The following DENND2B variants were observed in gnomAD, a reference collection of about 807,000 sequenced individuals.
DENND2B encodes DENN domain containing 2B, also known as DENN domain-containing protein 2B.
Under a neutral mutation model 116.0 loss-of-function variants are expected in DENND2B, and 32 were observed. That is an observed-to-expected ratio of 0.28 (90% CI 0.21 to 0.37). The LOEUF (loss-of-function observed/expected upper bound fraction) is 0.37. Ranked by LOEUF, DENND2B falls within the 10% of genes least tolerant of loss-of-function variation. The probability of loss-of-function intolerance (pLI) is 1.00; values close to 1 mark genes in which losing one functional copy is unlikely to be tolerated. For missense variants in DENND2B, 1,276 were observed against 1,477.7 expected (o/e 0.86, Z 2.24); for synonymous variants, 588 against 583.9 (o/e 1.01, Z -0.10).
chr11:8,707,178 G>A lies in DENND2B; in HGVS notation c.2478C>T (p.Val826=), dbSNP rs1245973336. 22 of 1,613,780 alleles carry A rather than the reference G, an allele frequency of 1.4e-5. No homozygotes were observed. Among genetic ancestry groups the A allele is most frequent in the Middle Eastern group, 3.3e-4 (2 of 6,084 alleles). Reference sequence around the variant, plus strand: ...CCATGAGACTTCTCATGAAAGGATAGACCAATGCAGCGGAGATCCCACGCC... The same window carrying A: ...CCATGAGACTTCTCATGAAAGGATAAACCAATGCAGCGGAGATCCCACGCC... ...ERRRGISAAL[V]YPFMRSLMES... is the part of the protein sequence containing the mutation. The change falls in exon 13 of 20, where the codon GTC becomes GTT. Residue 826 remains valine, a synonymous_variant. Coordinates refer to ENST00000313726, the MANE Select transcript of DENND2B (RefSeq NM_213618.2). The surrounding 1 kb of genome is among the most constrained non-coding windows in gnomAD (Gnocchi z 4.8).
chr11:8,699,020 G>C, intron 15 of DENND2B, 46 bp from the exon 16 acceptor site: 2 of 1,606,660 alleles, frequency 1.2e-6, no homozygotes, highest in Non-Finnish European at 8.5e-7. Flanking sequence ...CATGAGTCCC[G>C]CAATGCCCTC....
At chr11:8,754,987 T>C (rs1052175054) in intron 1 of DENND2B, among the ~76,000 whole-genome samples, 2 of 152,254 alleles carry the variant, frequency 1.3e-5, no homozygotes, top group Admixed American at 1.3e-4. Context: ...TAGAAATCAT[T>C]ACATTATATC....
intron 1 of DENND2B, among the ~76,000 whole-genome samples, chr11:8,889,784 C>T (rs2064005650): frequency 6.6e-6 from 1 of 152,210 alleles, no homozygotes; most frequent in Non-Finnish European, 1.5e-5. Flanking sequence ...CTCAAGGAGG[C>T]CTGCCTGCCT....
At chr11:8,771,991 G>A (rs117217791) in intron 1 of DENND2B, 8,991 of 151,954 alleles carry the variant, frequency 0.059, 380 homozygotes, top group Non-Finnish European at 0.093. Context: ...GTCTTGGAGG[G>A]GACATTCAAA....
At chr11:8,817,561 G>A (rs369232577) in intron 4 of DENND2B, among the ~76,000 whole-genome samples, 14 of 152,194 alleles carry the variant, frequency 9.2e-5, no homozygotes, top group Admixed American at 4.6e-4. Flanking sequence ...CTGAACTAGG[G>A]AAGTGTGGAA....
intron 2 of DENND2B, among the ~76,000 whole-genome samples, chr11:8,859,433 G>A (rs1229406156): frequency 1.3e-5 from 2 of 151,974 alleles, no homozygotes; most frequent in African/African-American, 2.4e-5. Flanking sequence ...TCAGCCTCCC[G>A]AGTAGCTGGG....
At chr11:8,708,108 C>G in intron 11 of DENND2B, 2 of 1,417,348 alleles carry the variant, frequency 1.4e-6, no homozygotes, top group Non-Finnish European at 1.8e-6. Flanking sequence ...AGGCTCCACC[C>G]TTCCTCCCAG....
chr11:8,883,676 C>A (rs1471049484), intron 1 of DENND2B, among the ~76,000 whole-genome samples: 1 of 152,128 alleles, frequency 6.6e-6, no homozygotes, highest in Non-Finnish European at 1.5e-5. Flanking sequence ...GCTTACAGAC[C>A]AGCTTGTTTT....
At chr11:8,834,927 A>T (rs1358277119) in intron 4 of DENND2B, among the ~76,000 whole-genome samples, 1 of 152,190 alleles carries the variant, frequency 6.6e-6, no homozygotes, top group Non-Finnish European at 1.5e-5. Context: ...ACTAGCAATA[A>T]AACAAAATGT....
At chr11:8,717,598 T>C in intron 5 of DENND2B, 143 bp downstream of exon 5, 1 of 988,408 alleles carries the variant, frequency 1.0e-6, no homozygotes, top group Non-Finnish European at 1.4e-6. Flanking sequence ...TCGGGCACGT[T>C]CAGGGTGGTA....
At chr11:8,775,777 T>C (rs1347975727) in intron 1 of DENND2B, among the ~76,000 whole-genome samples, 1 of 152,194 alleles carries the variant, frequency 6.6e-6, no homozygotes, top group Admixed American at 6.5e-5. Context: ...TATCACCTCA[T>C]ACCTAGTTTA....
At position 8,712,443 on chromosome 11, in the gene DENND2B, G is replaced by A. The variant is rs908733158; in HGVS notation, c.2172+108C>T. 2.7e-5 allele frequency: 34 copies of A among 1,273,082 alleles called. No homozygotes were observed. The highest frequency in any genetic ancestry group is 1.0e-4 in the East Asian group (4 of 39,148). 78.9% of individuals were successfully genotyped at this position (1,273,082 alleles called of 1,614,324 possible). A position where few individuals can be genotyped will look rare whatever the true frequency, so the allele number is the denominator to read the frequency against. The stretch of plus-strand genomic sequence containing the variant: ...GGCAGGTTCAGGGCTGTGGCAGCTC[G>A]GTGAGGACGTATGACGAACAAGATC... On this transcript the variant is annotated intron_variant, in intron 9 of 19. Coordinates refer to ENST00000313726, the MANE Select transcript of DENND2B (RefSeq NM_213618.2). This position sits in a 1 kb window ranked among gnomAD's most constrained non-coding sequence, Gnocchi z 4.4.
chr11:8,867,573 C>T (rs1198910786), intron 2 of DENND2B, among the ~76,000 whole-genome samples: 12 of 89,230 alleles, frequency 1.3e-4, no homozygotes, highest in South Asian at 4.5e-4. Context: ...TAAAATTCAG[C>T]TTTTTTTTTT....
intron 16 of DENND2B, chr11:8,697,997 A>G: frequency 2.3e-6 from 1 of 428,792 alleles, no homozygotes; most frequent in Non-Finnish European, 4.6e-6. Flanking sequence ...CAATTAGTCA[A>G]GTATGGTGGC....
chr11:8,823,985 C>T (rs1161755632), intron 4 of DENND2B, among the ~76,000 whole-genome samples: 1 of 150,762 alleles, frequency 6.6e-6, no homozygotes, highest in Non-Finnish European at 1.5e-5. Context: ...TCACTGCAAC[C>T]TCCGCCTCCC....
At chr11:8,704,675 T>C (rs1338577200) in intron 13 of DENND2B, among the ~76,000 whole-genome samples, 6 of 152,202 alleles carry the variant, frequency 3.9e-5, no homozygotes, top group African/African-American at 1.4e-4. Flanking sequence ...CCTCTTACTC[T>C]CAAAGGATGA....
chr11:8,822,647 C>T (rs1300051603), intron 4 of DENND2B, among the ~76,000 whole-genome samples: 1 of 152,194 alleles, frequency 6.6e-6, no homozygotes, highest in Admixed American at 6.5e-5. Flanking sequence ...CTGTACCATC[C>T]CCATGGCTTC....
At chr11:8,797,826 C>T (rs2059967586) in intron 1 of DENND2B, among the ~76,000 whole-genome samples, 1 of 152,016 alleles carries the variant, frequency 6.6e-6, no homozygotes, top group South Asian at 2.1e-4. Context: ...ATACCTTATC[C>T]CAAGTTGTGC....
chr11:8,841,779 A>G (rs1325700113), intron 3 of DENND2B, among the ~76,000 whole-genome samples: 2 of 152,202 alleles, frequency 1.3e-5, no homozygotes, highest in Non-Finnish European at 2.9e-5. Context: ...ACTACATGAC[A>G]TGGCACAAAA....
Sources: allele counts gnomAD v4.1 joint callset (sites outside exome capture counted in the v4.1 genomes callset), GRCh38; gene constraint gnomAD v4.1.1; non-coding constraint Gnocchi (gnomAD v3.1); transcripts MANE v1.5; gene names NCBI Gene and HGNC (gene_info 2026-07-23, HGNC 2026-07-21).